The following DNAH14 variants were observed in gnomAD, a reference collection of about 807,000 sequenced individuals.
The protein encoded by DNAH14 is axonemal beta dynein heavy chain 14.
DNAH14 carries 478 observed loss-of-function variants against 520.9 expected under a neutral mutation model. That is an observed-to-expected ratio of 0.92 (90% CI 0.85 to 0.99). The LOEUF is 0.99. DNAH14 is among the 50% of genes least tolerant of loss of function. DNAH14 has a pLI of 0.00. For synonymous variants in DNAH14, 1,581 were observed against 1,757.2 expected (o/e 0.90, Z 2.51); for missense variants, 4,831 against 5,234.5 (o/e 0.92, Z 2.38).
intron 10 of DNAH14, among the ~76,000 whole-genome samples, chr1:225,016,437 C>G (rs1180687363): frequency 6.6e-6 from 1 of 152,102 alleles, no homozygotes; most frequent in African/African-American, 2.4e-5. Context: ...TGGAAATTCC[C>G]TTATATGTGA....
intron 69 of DNAH14, among the ~76,000 whole-genome samples, chr1:225,344,890 T>C (rs2095263331): frequency 6.6e-6 from 1 of 152,032 alleles, no homozygotes; most frequent in South Asian, 2.1e-4. Flanking sequence ...AATTTTTGTA[T>C]TTTTAGTAAA....
At chr1:225,372,477 G>C (rs1159098141) in intron 77 of DNAH14, among the ~76,000 whole-genome samples, 2 of 152,252 alleles carry the variant, frequency 1.3e-5, no homozygotes, top group East Asian at 3.9e-4. Flanking sequence ...TGAGGAAAAA[G>C]GGATTTTCAA....
chr1:225,265,361 A>C lies in DNAH14; in HGVS notation c.7402A>C (p.Asn2468His). The change falls in exon 48 of 86, where the codon AAC becomes CAC. Residue 2468 changes from asparagine to histidine, a missense_variant. Coordinates refer to ENST00000682510, the MANE Select transcript of DNAH14 (RefSeq NM_001367479.1). ...RTKDTLGAPKNNRILIFIDDM... is the reference protein window; with the variant it reads ...RTKDTLGAPKHNRILIFIDDM... ...TAAAGATACTCTTGGAGCACCAAAAAACAACCGGGTAAAACACCTCTCATA... is the reference window on the plus strand; with the variant it reads ...TAAAGATACTCTTGGAGCACCAAAACACAACCGGGTAAAACACCTCTCATA... 3 of 1,533,806 alleles carry C rather than the reference A, an allele frequency of 2.0e-6. No individual in the cohort carries two copies. The highest frequency in any genetic ancestry group is 2.6e-6 in the Non-Finnish European group (3 of 1,142,282).
At position 225,134,543 on chromosome 1, in the gene DNAH14, T is replaced by C. The variant is rs996904501; in HGVS notation, c.4255-6225T>C. ...ATGACATTTATTGATTTGCATATGT[T>C]GAACCAACCTTGCATTCTGGGTATA... On this transcript the variant is annotated intron_variant, in intron 27 of 85. Transcript: ENST00000682510. Among the ~76,000 whole-genome samples the C allele has an allele frequency of 4.6e-5, 7 of 152,330 alleles. No individual in the cohort carries two copies. The East Asian group carries it at 7.7e-4, about 17-fold the overall frequency.
chr1:225,189,085 T>A (rs1303133979), intron 37 of DNAH14, among the ~76,000 whole-genome samples: 2 of 151,914 alleles, frequency 1.3e-5, no homozygotes, highest in Non-Finnish European at 2.9e-5. Context: ...GTCAAATGCT[T>A]TTTCTGTGCC....
At chr1:225,086,820 A>G (rs1558913339) in intron 21 of DNAH14, among the ~76,000 whole-genome samples, 1 of 152,220 alleles carries the variant, frequency 6.6e-6, no homozygotes. Flanking sequence ...ATGTAAGCTA[A>G]TTTTTTAAAA....
chr1:225,391,411 G>A (rs1010418495), intron 83 of DNAH14, among the ~76,000 whole-genome samples: 2 of 152,116 alleles, frequency 1.3e-5, no homozygotes, highest in East Asian at 3.8e-4. Context: ...GGTCGAGGCT[G>A]CAGTGAGCCA....
At chr1:225,164,717 G>C (rs2081877488) in intron 35 of DNAH14, among the ~76,000 whole-genome samples, 1 of 151,912 alleles carries the variant, frequency 6.6e-6, no homozygotes, top group African/African-American at 2.4e-5. Flanking sequence ...TTGCCCCTAG[G>C]ATCAAAATGT....
chr1:225,303,731 G>GCAGT (rs1213367949), intron 57 of DNAH14, among the ~76,000 whole-genome samples: 1 of 152,138 alleles, frequency 6.6e-6, no homozygotes, highest in Middle Eastern at 3.2e-3. Context: ...AGTCAGCAAA[G>GCAGT]CAGTGAGAGC....
At chr1:224,971,302 T>C (rs925615131) in intron 7 of DNAH14, among the ~76,000 whole-genome samples, 3 of 152,136 alleles carry the variant, frequency 2.0e-5, no homozygotes, top group African/African-American at 7.2e-5. Flanking sequence ...AACAGAAAAA[T>C]AATATTTTAA....
At chr1:225,201,647 C>A (rs191105424) in intron 38 of DNAH14, among the ~76,000 whole-genome samples, 30 of 152,222 alleles carry the variant, frequency 2.0e-4, no homozygotes, top group African/African-American at 6.7e-4. Context: ...CTGAGTCTAG[C>A]CAGCCAGGAA....
rs1226020763 is a variant in DNAH14 at position 225,097,153 on chromosome 1, C to A, written c.3609C>A (p.Leu1203=). The A allele has an allele frequency of 2.6e-6, 4 of 1,550,148 alleles. No homozygotes were observed. Among genetic ancestry groups the A allele is most frequent in the Non-Finnish European group, 3.5e-6 (4 of 1,146,178 alleles). ...ATGAATGGGATCAAAACTTGACTCT[C>A]TTCTCTTACACCCTTGAGGAATGGA... ...LVNEWDQNLT[L]FSYTLEEWMN... Residue 1203 remains leucine, a synonymous_variant, in exon 22 of 86, where the codon CTC becomes CTA. Coordinates refer to ENST00000682510, the MANE Select transcript of DNAH14 (RefSeq NM_001367479.1).
chr1:225,339,836 C>T (rs187592160), intron 68 of DNAH14, among the ~76,000 whole-genome samples: 514 of 152,254 alleles, frequency 3.4e-3, no homozygotes, highest in Non-Finnish European at 5.0e-3. Flanking sequence ...TTCACTATGA[C>T]TGCTGCTGAC....
chr1:225,394,339 C>G (rs2095972089), intron 84 of DNAH14, among the ~76,000 whole-genome samples: 2 of 152,136 alleles, frequency 1.3e-5, no homozygotes, highest in Admixed American at 1.3e-4. Flanking sequence ...CAGTGTGTGA[C>G]TTTCCAAATC....
At chr1:225,364,504 T>A (rs1250509736) in intron 75 of DNAH14, among the ~76,000 whole-genome samples, 1 of 152,176 alleles carries the variant, frequency 6.6e-6, no homozygotes, top group Admixed American at 6.5e-5. Flanking sequence ...CCAAATTCAA[T>A]CAGTAGAACT....
rs140994386 is a variant in DNAH14, at chr1:225,236,360, C to T, written c.6519-4233C>T. Reference sequence around the variant, plus strand: ...TTTGAGTGAATTTCTTAATCTTGAGCTCTAATTTGATTGTGCTGTCATCTG... The same window carrying T: ...TTTGAGTGAATTTCTTAATCTTGAGTTCTAATTTGATTGTGCTGTCATCTG... On this transcript the variant is annotated intron_variant, in intron 42 of 85. Coordinates refer to ENST00000682510, the MANE Select transcript of DNAH14 (RefSeq NM_001367479.1). 4.9e-3 allele frequency among the ~76,000 whole-genome samples: 751 copies of T among 152,220 alleles called. 3 individuals are homozygous for T. Among genetic ancestry groups the T allele is most frequent in the African/African-American group, 0.017 (700 of 41,542 alleles).
At chr1:225,241,183 A>T (rs546816891) in intron 43 of DNAH14, among the ~76,000 whole-genome samples, 197 of 98,494 alleles carry the variant, frequency 2.0e-3, no homozygotes, top group African/African-American at 7.1e-3. Context: ...CTTTTTTTTA[A>T]AAAAATCCAA....
At chr1:225,213,709 G>A (rs1015812850) in intron 41 of DNAH14, among the ~76,000 whole-genome samples, 3 of 152,098 alleles carry the variant, frequency 2.0e-5, no homozygotes, top group African/African-American at 7.2e-5. Context: ...CTCTCTGTTT[G>A]TCTGTTACTG....
chr1:225,205,126 G>T (rs1302283992), intron 39 of DNAH14, among the ~76,000 whole-genome samples: 2 of 152,244 alleles, frequency 1.3e-5, no homozygotes, highest in African/African-American at 4.8e-5. Context: ...TTCTAAAATT[G>T]TGGAGCACAG....
Sources: allele counts gnomAD v4.1 joint callset (sites outside exome capture counted in the v4.1 genomes callset), GRCh38; gene constraint gnomAD v4.1.1; transcripts MANE v1.5; gene names NCBI Gene and HGNC (gene_info 2026-07-23, HGNC 2026-07-21).